Variants in DIP2B observed in about 807,000 individuals in gnomAD.
DIP2B encodes the protein DIP2 acetate--CoA ligase B (putative).
Under a neutral mutation model 198.0 loss-of-function variants are expected in DIP2B, and 76 were observed. That is an observed-to-expected ratio of 0.38 (90% CI 0.32 to 0.46). The LOEUF (loss-of-function observed/expected upper bound fraction) is 0.46. DIP2B is among the 20% of genes least tolerant of loss of function. DIP2B has a pLI of 0.99. For missense variants in DIP2B, 1,559 were observed against 1,978.4 expected (o/e 0.79, Z 4.02); for synonymous variants, 701 against 739.1 (o/e 0.95, Z 0.84).
At chr12:50,724,243 G>C (rs1242748465) in intron 27 of DIP2B, among the ~76,000 whole-genome samples, 1 of 152,134 alleles carries the variant, frequency 6.6e-6, no homozygotes, top group African/African-American at 2.4e-5. Flanking sequence ...GCAGTTCGTG[G>C]GCAAAGTAGG....
chr12:50,659,246 C>T (rs1475400270), intron 3 of DIP2B, among the ~76,000 whole-genome samples: 4 of 152,014 alleles, frequency 2.6e-5, no homozygotes, highest in Admixed American at 2.0e-4. Context: ...GTCACATTGT[C>T]GTTAAAGTGA....
intron 1 of DIP2B, among the ~76,000 whole-genome samples, chr12:50,591,239 T>G (rs929397102): frequency 5.9e-5 from 9 of 152,252 alleles, no homozygotes; most frequent in African/African-American, 2.2e-4. Flanking sequence ...TAATCTGTTT[T>G]ACTTCTCCAT....
intron 1 of DIP2B, among the ~76,000 whole-genome samples, chr12:50,542,691 A>C (rs753638245): frequency 1.3e-5 from 2 of 152,204 alleles, no homozygotes; most frequent in Non-Finnish European, 2.9e-5. Context: ...ATGTGTGTTC[A>C]TCAGCAAAAT....
chr12:50,682,298 G>T (rs1158333278), intron 9 of DIP2B, among the ~76,000 whole-genome samples: 2 of 152,124 alleles, frequency 1.3e-5, no homozygotes, highest in African/African-American at 4.8e-5. Context: ...GCATTGTTGG[G>T]TAAGGGAACA....
chr12:50,663,271 A>G (rs1938685019), intron 4 of DIP2B, among the ~76,000 whole-genome samples: 1 of 150,520 alleles, frequency 6.6e-6, no homozygotes, highest in Non-Finnish European at 1.5e-5. Context: ...TAAAAATACA[A>G]AAAATTAGCC....
At chr12:50,713,210 A>G (rs1332171476) in intron 22 of DIP2B, among the ~76,000 whole-genome samples, 4 of 152,212 alleles carry the variant, frequency 2.6e-5, no homozygotes, top group African/African-American at 4.8e-5. Context: ...GGCCTCCCAA[A>G]GTGCTGAGAT....
At chr12:50,598,193 G>T (rs1277334521) in intron 1 of DIP2B, among the ~76,000 whole-genome samples, 1 of 152,112 alleles carries the variant, frequency 6.6e-6, no homozygotes, top group African/African-American at 2.4e-5. Flanking sequence ...CAGGAATCCT[G>T]ATCATTTATA....
intron 1 of DIP2B, among the ~76,000 whole-genome samples, chr12:50,579,709 A>G (rs1228011241): frequency 2.1e-4 from 21 of 99,678 alleles, no homozygotes; most frequent in African/African-American, 7.4e-4. Flanking sequence ...ATATATATAT[A>G]TATATATATA....
rs114765393 is a variant in DIP2B, at chr12:50,568,742, G to A, written c.101-57234G>A. On this transcript the variant is annotated intron_variant, in intron 1 of 37. Transcript: ENST00000301180. Reference sequence around the variant, plus strand: ...GTTGAGAGTGTTGTAATCTGGGAAGGAGAGAGGCTGAGGGGAGCTTACTCC... The same window carrying A: ...GTTGAGAGTGTTGTAATCTGGGAAGAAGAGAGGCTGAGGGGAGCTTACTCC... 1.7e-3 allele frequency among the ~76,000 whole-genome samples: 261 copies of A among 152,276 alleles called. 1 individual carries two copies. Among genetic ancestry groups the A allele is most frequent in the Middle Eastern group, 0.01 (3 of 294 alleles).
intron 4 of DIP2B, among the ~76,000 whole-genome samples, chr12:50,670,446 C>G (rs758533130): frequency 8.6e-5 from 13 of 152,046 alleles, no homozygotes; most frequent in Admixed American, 2.6e-4. Flanking sequence ...GTTGGAGTCT[C>G]GCTCTGTTGC....
intron 1 of DIP2B, among the ~76,000 whole-genome samples, chr12:50,515,652 G>A (rs1412230705): frequency 6.6e-6 from 1 of 152,062 alleles, no homozygotes; most frequent in Admixed American, 6.6e-5. Flanking sequence ...TCTTTCTCCT[G>A]ATGAGGGTAT....
intron 1 of DIP2B, among the ~76,000 whole-genome samples, chr12:50,614,706 C>T (rs979957515): frequency 6.6e-6 from 1 of 152,116 alleles, no homozygotes; most frequent in African/African-American, 2.4e-5. Context: ...GGGAGGAAAA[C>T]CTAAGTCTCT....
At chr12:50,606,112 C>T (rs986686783) in intron 1 of DIP2B, among the ~76,000 whole-genome samples, 3 of 152,154 alleles carry the variant, frequency 2.0e-5, no homozygotes, top group South Asian at 4.1e-4. Flanking sequence ...CATGAGCCAC[C>T]GCACCTGGCC....
intron 1 of DIP2B, among the ~76,000 whole-genome samples, chr12:50,516,310 A>G (rs936196160): frequency 6.6e-6 from 1 of 151,652 alleles, no homozygotes; most frequent in African/African-American, 2.4e-5. Flanking sequence ...GCTGGAGTGC[A>G]GTGGCGAGAT....
chr12:50,579,775 A>G (rs1958707352), intron 1 of DIP2B, among the ~76,000 whole-genome samples: 1 of 146,102 alleles, frequency 6.8e-6, no homozygotes, highest in African/African-American at 2.5e-5. Flanking sequence ...TGTGGACCAC[A>G]TTTTTGGAGA....
chr12:50,741,417 G>A lies in DIP2B; in HGVS notation c.4356G>A (p.Glu1452=), dbSNP rs199668067. Residue 1452 remains glutamate (E), a splice_region_variant and synonymous_variant, in exon 37 of 38, where the codon GAG becomes GAA. Coordinates refer to ENST00000301180, the MANE Select transcript of DIP2B (RefSeq NM_173602.3). ...TTTCTCTCTTTTTCTTTCTGTCAGA[G>A]CGTCATGATGCATTGTATGTGGTGG... ...RRTELTAATG[E]RHDALYVVGA... is the part of the protein sequence containing the mutation. 3.7e-6 allele frequency: 6 copies of A among 1,613,734 alleles called. No homozygotes were observed. The African/African-American group carries it at 5.3e-5, about 14-fold the overall frequency.
chr12:50,675,446 A>C lies in DIP2B; in HGVS notation c.914A>C (p.Glu305Ala). 7 of 1,613,390 alleles carry C rather than the reference A, an allele frequency of 4.3e-6. No homozygotes were observed. The highest frequency in any genetic ancestry group is 5.9e-6 in the Non-Finnish European group (7 of 1,179,632). The change falls in exon 7 of 38, where the codon GAA (glutamate) becomes GCA (alanine). Residue 305 changes from glutamate to alanine, a missense_variant and splice_region_variant. By Grantham distance (107) the Glu-to-Ala change is moderately radical (BLOSUM62 -1). Coordinates refer to ENST00000301180, the MANE Select transcript of DIP2B (RefSeq NM_173602.3). ...GTGGATGACTCTGAAGAAATTGTGG[A>C]AGGTAGTAGTAAAAATACCAAAAAC... ...FFVDDSEEIV[E>A]VPQPDPNQPK...
chr12:50,601,573 C>T (rs1408932722), intron 1 of DIP2B, among the ~76,000 whole-genome samples: 1 of 152,044 alleles, frequency 6.6e-6, no homozygotes, highest in South Asian at 2.1e-4. Flanking sequence ...CTCCTGACCT[C>T]GTGATCCGCC....
intron 2 of DIP2B, among the ~76,000 whole-genome samples, chr12:50,627,776 A>G (rs1439537365): frequency 6.6e-6 from 1 of 152,224 alleles, no homozygotes; most frequent in African/African-American, 2.4e-5. Context: ...TCCCTCCCCC[A>G]GTAGGGATGG....
Sources: allele counts gnomAD v4.1 joint callset (sites outside exome capture counted in the v4.1 genomes callset), GRCh38; gene constraint gnomAD v4.1.1; transcripts MANE v1.5; gene names NCBI Gene and HGNC (gene_info 2026-07-23, HGNC 2026-07-21).